PGA3: variants seen among roughly 807,000 people sequenced by gnomAD.
PGA3 encodes the protein pepsin A-3.
In PGA3, 1 loss-of-function variant was observed where a neutral mutation model predicts 15.6. The observed-to-expected ratio is 0.06, with a 90% CI of 0.02 to 0.30. The LOEUF is 0.30. Among genes scored for constraint, PGA3 ranks in the 10% least tolerant of loss-of-function variants. PGA3 has a pLI of 1.00. For synonymous variants in PGA3, 14 were observed against 79.5 expected (o/e 0.18, Z 4.38); for missense variants, 29 against 183.7 (o/e 0.16, Z 4.87).
chr11:61,211,338 T>C lies in PGA3; in HGVS notation c.920T>C (p.Met307Thr). 9.0e-7 allele frequency: 1 copy of C among 1,115,752 alleles called. No homozygotes were observed. The allele number at this position is 1,115,752 out of a possible 1,614,324, so 69.1% of individuals were successfully genotyped here. A position where few individuals can be genotyped will look rare whatever the true frequency, so the allele number is the denominator to read the frequency against. ...TTTTCTCACCCTCACTCTTTCCAGA[T>C]GGTGGTCAGCTGCTCAGCCATCAGC... Reference protein sequence around the residue: ...IGASENSDGDMVVSCSAISSL... With the variant: ...IGASENSDGDTVVSCSAISSL... Residue 307 changes from methionine to threonine, a missense_variant and splice_region_variant, in exon 8 of 9, where the codon ATG becomes ACG. Met to Thr is a moderately conservative substitution (Grantham distance 81, BLOSUM62 -1). Coordinates refer to ENST00000325558, the MANE Select transcript of PGA3 (RefSeq NM_001079807.4).
At chr11:61,211,807 A>T (rs1853950933) in intron 8 of PGA3, among the ~76,000 whole-genome samples, 1 of 151,076 alleles carries the variant, frequency 6.6e-6, no homozygotes, top group Non-Finnish European at 1.5e-5. Flanking sequence ...CCACCCTCAG[A>T]GTGCGGTTAG....
At chr11:61,211,883 C>T (rs1332329908) in intron 8 of PGA3, among the ~76,000 whole-genome samples, 4 of 151,348 alleles carry the variant, frequency 2.6e-5, no homozygotes, top group African/African-American at 9.7e-5. Flanking sequence ...TCCTAATTTC[C>T]GTAGGCTGGG....
intron 2 of PGA3, chr11:61,205,902 C>G (rs1853921970): frequency 1.1e-5 from 1 of 92,924 alleles, no homozygotes; most frequent in Non-Finnish European, 2.4e-5. Flanking sequence ...GAGGTTGAGG[C>G]AGGAGAATCA....
Position 61,203,597 on chromosome 11 carries a change from A to C in PGA3, c.33A>C (p.Ala11=), listed in dbSNP as rs1130676. 1 of 1,480,826 alleles carries C rather than the reference A, an allele frequency of 6.8e-7. No individual in the cohort carries two copies. The highest frequency in any genetic ancestry group is 2.5e-5 in the East Asian group (1 of 39,478). 91.7% of individuals were successfully genotyped at this position (1,480,826 alleles called of 1,614,324 possible). The part of the protein sequence containing the change: MKWLLLLGLV[A]LSECIMYKVP... ...GGCTGCTGCTGCTGGGTCTGGTGGC[A>C]CTCTCTGAGTGCATCATGTACAAGT... Residue 11 remains alanine (A), a synonymous_variant, in exon 1 of 9, where the codon GCA becomes GCC. Transcript: ENST00000325558.
chr11:61,203,800 G>C, intron 1 of PGA3, 180 bp downstream of exon 1: 6 of 1,037,096 alleles, frequency 5.8e-6, no homozygotes, highest in Non-Finnish European at 8.6e-6. Context: ...CTCGGGCCCA[G>C]CCTGACTGTG....
chr11:61,203,782 G>A lies in PGA3; in HGVS notation c.56+162G>A, dbSNP rs905261003. ...TTTTGGGAGGCAGCCCTGCAGACAT[G>A]GTTAAAACTCGGGCCCAGCCTGACT... On this transcript the variant is annotated intron_variant, in intron 1 of 8. Coordinates refer to ENST00000325558, the MANE Select transcript of PGA3 (RefSeq NM_001079807.4). 10 of 1,208,220 alleles carry A rather than the reference G, an allele frequency of 8.3e-6. 1 individual carries two copies. The East Asian group carries it at 1.7e-4, about 20-fold the overall frequency. The allele number at this position is 1,208,220 out of a possible 1,614,324, so 74.8% of individuals were successfully genotyped here.
Position 61,203,629 on chromosome 11 carries a change from G to C in PGA3, c.56+9G>C. 1.9e-6 allele frequency: 3 copies of C among 1,603,352 alleles called. No homozygotes were observed. Among genetic ancestry groups the C allele is most frequent in the South Asian group, 1.1e-5 (1 of 90,866 alleles). ...GAGTGCATCATGTACAAGTGAGTCC[G>C]GGTGGTGTGGGTGTGAAGACGCTGC... On this transcript the variant is annotated intron_variant, in intron 1 of 8. Transcript: ENST00000325558.
chr11:61,205,515 G>A (rs1198730679), intron 2 of PGA3, among the ~76,000 whole-genome samples: 1 of 151,934 alleles, frequency 6.6e-6, no homozygotes, highest in Admixed American at 6.6e-5. Flanking sequence ...AGATAAAGTG[G>A]TCACGGAAGG....
chr11:61,211,492 T>C, intron 8 of PGA3, 57 bp downstream of exon 8: 1 of 1,299,332 alleles, frequency 7.7e-7, no homozygotes, highest in Non-Finnish European at 1.1e-6. Context: ...GGACACAGAG[T>C]TCCCCTCTGC....
intron 2 of PGA3, chr11:61,205,932 G>A (rs1787912): frequency 0.4 from 27,725 of 68,518 alleles, 1,009 homozygotes; most frequent in East Asian, 0.5. Flanking sequence ...AGGAGGAGGA[G>A]GCTGCAGTGA....
intron 8 of PGA3, among the ~76,000 whole-genome samples, chr11:61,211,728 A>G (rs1853950140): frequency 6.6e-6 from 1 of 150,398 alleles, no homozygotes; most frequent in Non-Finnish European, 1.5e-5. Context: ...TAGCCCATTG[A>G]TTCTGAACAA....
chr11:61,211,491 G>T (rs1853946100), intron 8 of PGA3, 56 bp downstream of exon 8: 1 of 1,298,638 alleles, frequency 7.7e-7, no homozygotes, highest in African/African-American at 1.4e-5. Context: ...TGGACACAGA[G>T]TTCCCCTCTG....
chr11:61,204,103 A>AT lies in PGA3; in HGVS notation c.57-4_57-3insT. 4.8e-6 allele frequency: 6 copies of AT among 1,260,750 alleles called. No individual in the cohort carries two copies. Among genetic ancestry groups the AT allele is most frequent in the Non-Finnish European group, 6.7e-6 (6 of 898,782 alleles). The allele number at this position is 1,260,750 out of a possible 1,614,324, so 78.1% of individuals were successfully genotyped here. A position where few individuals can be genotyped will look rare whatever the true frequency, so the allele number is the denominator to read the frequency against. On this transcript the variant is annotated splice_polypyrimidine_tract_variant and splice_region_variant and intron_variant, in intron 1 of 8. Transcript: ENST00000325558. ...CTAATTCCTCTTCCTTCTCCAAACC[A>AT]CAGGGTCCCCCTCATCAGAAAGAAG...
intron 3 of PGA3, among the ~76,000 whole-genome samples, chr11:61,207,014 TG>T (rs1405530478): frequency 6.5e-5 from 1 of 15,388 alleles, no homozygotes; most frequent in African/African-American, 2.0e-4. Flanking sequence ...AGGTCAGTGC[TG>T]AGCTCATTTA....
At chr11:61,205,222 T>G (rs1853911629) in intron 2 of PGA3, among the ~76,000 whole-genome samples, 1 of 151,904 alleles carries the variant, frequency 6.6e-6, no homozygotes, top group Non-Finnish European at 1.5e-5. Context: ...ACGATCATGT[T>G]TTCTGGAGTG....
intron 8 of PGA3, among the ~76,000 whole-genome samples, chr11:61,211,912 A>G (rs938084961): frequency 2.0e-5 from 3 of 150,884 alleles, no homozygotes; most frequent in Non-Finnish European, 4.5e-5. Context: ...CACTTCTACC[A>G]TCTCTACCAA....
At chr11:61,205,823 C>A (rs1359326665) in intron 2 of PGA3, 1 of 101,144 alleles carries the variant, frequency 9.9e-6, no homozygotes, top group African/African-American at 3.7e-5. Flanking sequence ...ATGGTGAAAC[C>A]CCGTCTCTAC....
chr11:61,211,632 C>T (rs1253981354), intron 8 of PGA3, among the ~76,000 whole-genome samples, 197 bp downstream of exon 8: 2 of 149,594 alleles, frequency 1.3e-5, no homozygotes, highest in African/African-American at 4.9e-5. Flanking sequence ...ATACAGCCCC[C>T]TAAGGGAACA....
chr11:61,211,047 A>AC (rs779859425), intron 6 of PGA3, 43 bp from the exon 7 acceptor site: 129 of 273,138 alleles, frequency 4.7e-4, no homozygotes, highest in South Asian at 3.5e-3. Context: ...GGAGAGAAGT[A>AC]CCCCTGAGAG....
Sources: gnomAD v4.1 joint callset for allele counts (sites outside exome capture counted in the v4.1 genomes callset) on GRCh38, gnomAD v4.1.1 for gene constraint, MANE v1.5 for transcripts, NCBI Gene and HGNC (gene_info 2026-07-23, HGNC 2026-07-21) for gene names.